The following DHX57 variants were observed in gnomAD, a reference collection of about 807,000 sequenced individuals.
DHX57 encodes putative ATP-dependent RNA helicase DHX57.
In DHX57, 105 loss-of-function variants were observed where a neutral mutation model predicts 156.2. The ratio of observed to expected loss-of-function variants is 0.67; its 90% CI spans 0.57 to 0.79. DHX57 has a LOEUF of 0.79. DHX57 is among the 30% of genes least tolerant of loss of function. The pLI, the probability that DHX57 is intolerant of heterozygous loss-of-function variation, is 0.00. For missense variants in DHX57, 1,847 were observed against 1,661.9 expected (o/e 1.11, Z -1.94); for synonymous variants, 704 against 595.6 (o/e 1.18, Z -2.65).
At chr2:38,831,323 T>A (rs1371300916) in intron 13 of DHX57, among the ~76,000 whole-genome samples, 1 of 7,342 alleles carries the variant, frequency 1.4e-4, no homozygotes. Context: ...TCTTTATTTC[T>A]TTTTTTTTTT....
intron 21 of DHX57, among the ~76,000 whole-genome samples, chr2:38,807,911 G>A (rs188488936): frequency 1.4e-5 from 2 of 144,676 alleles, no homozygotes; most frequent in East Asian, 4.1e-4. Flanking sequence ...CTCCCAAAGT[G>A]CTGGGATTAC....
At chr2:38,838,026 A>C in intron 12 of DHX57, 79 bp from the exon 13 acceptor site, 1 of 894,126 alleles carries the variant, frequency 1.1e-6, no homozygotes, top group East Asian at 2.4e-5. Flanking sequence ...TACCATATAC[A>C]ATATGCCTGT....
intron 2 of DHX57, 99 bp from the exon 3 acceptor site, chr2:38,863,618 G>T: frequency 1.8e-6 from 2 of 1,081,626 alleles, no homozygotes; most frequent in Non-Finnish European, 2.6e-6. Flanking sequence ...AAACTGGATT[G>T]TCAAGTATCT....
chr2:38,823,604 G>A (rs1222676361), intron 16 of DHX57, among the ~76,000 whole-genome samples: 1 of 152,150 alleles, frequency 6.6e-6, no homozygotes, highest in African/African-American at 2.4e-5. Context: ...AATGTAAAAT[G>A]ATGCAGCCAC....
At chr2:38,830,326 C>G (rs1671315369) in intron 13 of DHX57, among the ~76,000 whole-genome samples, 1 of 152,014 alleles carries the variant, frequency 6.6e-6, no homozygotes, top group Admixed American at 6.6e-5. Context: ...TCATAGCCAT[C>G]CATTGAGAAG....
In DHX57 at chr2:38,826,690, C is replaced by T; in HGVS notation, c.2640-1G>A. 1.9e-6 allele frequency: 3 copies of T among 1,613,450 alleles called. No homozygotes were observed. Among genetic ancestry groups the T allele is most frequent in the Non-Finnish European group, 2.5e-6 (3 of 1,179,608 alleles). On this transcript the variant is annotated splice_acceptor_variant, in intron 14 of 23. Coordinates refer to ENST00000457308, the MANE Select transcript of DHX57 (RefSeq NM_198963.3). LOFTEE classifies it high-confidence loss of function. ...TGAATGAAGTGGGTGAATAACACAT[C>T]TGGAAGGAAATAAAAGCACATGAAG...
chr2:38,817,347 CT>C (rs1259920806), intron 19 of DHX57, among the ~76,000 whole-genome samples: 1 of 152,186 alleles, frequency 6.6e-6, no homozygotes, highest in Non-Finnish European at 1.5e-5. Context: ...CAAAGTCTCC[CT>C]CTGTTGCCCA....
intron 4 of DHX57, 66 bp downstream of exon 4, chr2:38,862,079 T>G (rs558863679): frequency 6.7e-7 from 1 of 1,498,078 alleles, no homozygotes; most frequent in African/African-American, 1.4e-5. Flanking sequence ...AGAGGGGTAG[T>G]GGGTTTATAT....
chr2:38,835,916 T>G (rs1671630486), intron 13 of DHX57, among the ~76,000 whole-genome samples: 1 of 152,148 alleles, frequency 6.6e-6, no homozygotes, highest in African/African-American at 2.4e-5. Flanking sequence ...GATTTCAAGA[T>G]ATGGATCTTG....
At chr2:38,845,024 T>A (rs1235214234) in intron 11 of DHX57, among the ~76,000 whole-genome samples, 3 of 151,864 alleles carry the variant, frequency 2.0e-5, no homozygotes, top group African/African-American at 7.3e-5. Context: ...TAGTGAGACC[T>A]TGTCTCTACT....
chr2:38,830,421 AG>A (rs1671320396), intron 13 of DHX57, among the ~76,000 whole-genome samples: 1 of 152,092 alleles, frequency 6.6e-6, no homozygotes, highest in African/African-American at 2.4e-5. Context: ...TGAGGTCAAG[AG>A]TTCAAGACTA....
chr2:38,800,836 G>A (rs1558348073), intron 23 of DHX57, among the ~76,000 whole-genome samples: 1 of 152,166 alleles, frequency 6.6e-6, no homozygotes, highest in Non-Finnish European at 1.5e-5. Context: ...GTAGCCACTA[G>A]TCACAAGTGG....
Position 38,810,434 on chromosome 2 carries a change from C to T in DHX57, c.3681+3387G>A, listed in dbSNP as rs573572964. 319 of 527,466 alleles carry T rather than the reference C, an allele frequency of 6.0e-4. 3 individuals carry two copies. The highest frequency in any genetic ancestry group is 4.3e-3 in the South Asian group (312 of 71,980). 32.7% of individuals were successfully genotyped at this position (527,466 alleles called of 1,614,324 possible). A position where few individuals can be genotyped will look rare whatever the true frequency, so the allele number is the denominator to read the frequency against. ...CCCTAGCTCCCCATTGTACAGGGGT[C>T]TATTTGGCAGTGACCTTGCTCTGGA... On this transcript the variant is annotated intron_variant, in intron 21 of 23. Coordinates refer to ENST00000457308, the MANE Select transcript of DHX57 (RefSeq NM_198963.3).
intron 12 of DHX57, among the ~76,000 whole-genome samples, chr2:38,838,436 A>T (rs1329119424): frequency 6.6e-6 from 1 of 152,058 alleles, no homozygotes; most frequent in African/African-American, 2.4e-5. Context: ...GCCTCATCAG[A>T]AGTAATTTTT....
chr2:38,832,170 G>C (rs1466233346), intron 13 of DHX57, among the ~76,000 whole-genome samples: 1 of 152,194 alleles, frequency 6.6e-6, no homozygotes, highest in African/African-American at 2.4e-5. Context: ...GCCGGGTGCA[G>C]TGGCTCACGC....
chr2:38,849,632 C>T (rs1672476953), intron 9 of DHX57, among the ~76,000 whole-genome samples: 1 of 152,154 alleles, frequency 6.6e-6, no homozygotes, highest in South Asian at 2.1e-4. Flanking sequence ...TAACAAGGCT[C>T]TATATGGCAC....
In DHX57 at chr2:38,861,752, G is replaced by C. The variant is rs764471900; in HGVS notation, c.658C>G (p.Gln220Glu). The C allele has an allele frequency of 5.6e-6, 9 of 1,614,122 alleles. No homozygotes were observed. Among genetic ancestry groups the C allele is most frequent in the Non-Finnish European group, 6.8e-6 (8 of 1,180,016 alleles). Residue 220 changes from glutamine to glutamate, a missense_variant, in exon 5 of 24, where the codon CAG (glutamine) becomes GAG (glutamate). Gln to Glu is a conservative substitution (Grantham distance 29). Transcript: ENST00000457308. ...TCTCCAAATGTCTCTGAAAAACACT[G>C]GGTAAGGAGATGCTCTAGTGATGCT... is the stretch of plus-strand genomic sequence containing the variant. ...VGASLEHLLTQCFSETFGERM... is the reference protein window; with the variant it reads ...VGASLEHLLTECFSETFGERM...
intron 1 of DHX57, among the ~76,000 whole-genome samples, chr2:38,873,618 G>A (rs3099945): frequency 0.24 from 36,947 of 152,026 alleles, 5,506 homozygotes; most frequent in Non-Finnish European, 0.32. Context: ...AATGATTGAA[G>A]GTTGAAAAAA....
At chr2:38,806,347 C>T (rs769450497) in intron 22 of DHX57, 45 of 498,568 alleles carry the variant, frequency 9.0e-5, no homozygotes, top group Non-Finnish European at 1.3e-4. Flanking sequence ...GGCTTGAGTA[C>T]TTTTTGGTAT....
Sources: allele counts gnomAD v4.1 joint callset (sites outside exome capture counted in the v4.1 genomes callset), GRCh38; gene constraint gnomAD v4.1.1; transcripts MANE v1.5; gene names NCBI Gene and HGNC (gene_info 2026-07-23, HGNC 2026-07-21).